Variants in SAMD12 observed in about 807,000 individuals in gnomAD.
SAMD12 encodes the protein sterile alpha motif domain containing 12.
SAMD12 carries 9 observed loss-of-function variants against 15.0 expected under a neutral mutation model. The ratio of observed to expected loss-of-function variants is 0.60; its 90% CI spans 0.36 to 1.05. The LOEUF is 1.05. Ranked by LOEUF, SAMD12 falls within the 50% of genes least tolerant of loss-of-function variation. The probability of loss-of-function intolerance (pLI) is 0.01; values close to 1 mark genes in which losing one functional copy is unlikely to be tolerated. For synonymous variants in SAMD12, 86 were observed against 90.1 expected (o/e 0.96, Z 0.25); for missense variants, 230 against 234.2 (o/e 0.98, Z 0.12).
chr8:118,477,017 G>A (rs56944321), intron 2 of SAMD12, among the ~76,000 whole-genome samples: 4,609 of 151,596 alleles, frequency 0.03, 197 homozygotes, highest in African/African-American at 0.091. Context: ...TATTCACCGG[G>A]GTGAATTACA....
chr8:118,158,821 C>T, the SAMD12 span, among the ~76,000 whole-genome samples: 1 of 152,106 alleles, frequency 6.6e-6, no homozygotes, highest in African/African-American at 2.4e-5. Context: ...AGAGGAGCTA[C>T]CCAGTGTGGG....
chr8:118,467,427 T>A (rs972018868), intron 2 of SAMD12, among the ~76,000 whole-genome samples: 4 of 152,146 alleles, frequency 2.6e-5, no homozygotes, highest in Non-Finnish European at 4.4e-5. Flanking sequence ...TGAATGTTTA[T>A]TTTTATTATT....
chr8:118,541,841 T>A (rs571019267), intron 2 of SAMD12, among the ~76,000 whole-genome samples: 3 of 152,334 alleles, frequency 2.0e-5, no homozygotes, highest in African/African-American at 7.2e-5. Flanking sequence ...TGACTTTGAG[T>A]ATTTTCATTC....
chr8:118,132,993 T>C, the SAMD12 span, among the ~76,000 whole-genome samples: 2 of 82,164 alleles, frequency 2.4e-5, no homozygotes, highest in African/African-American at 8.9e-5. Context: ...TATATATATA[T>C]ATATATATAT....
chr8:118,415,891 A>C (rs1481247523), intron 3 of SAMD12, among the ~76,000 whole-genome samples: 1 of 152,218 alleles, frequency 6.6e-6, no homozygotes, highest in East Asian at 1.9e-4. Context: ...TCAACAGACT[A>C]ATAGAGCCTG....
intron 4 of SAMD12, among the ~76,000 whole-genome samples, chr8:118,338,013 T>A (rs1452570873): frequency 3.9e-5 from 6 of 152,202 alleles, no homozygotes; most frequent in Non-Finnish European, 8.8e-5. Context: ...TTGGAAGGTA[T>A]CCCCTACAGA....
chr8:118,482,189 A>AAATTT (rs1824145164), intron 2 of SAMD12, among the ~76,000 whole-genome samples: 3 of 152,222 alleles, frequency 2.0e-5, no homozygotes, highest in Admixed American at 2.0e-4. Context: ...TAAATACATG[A>AAATTT]AATGAGCACT....
chr8:118,159,888 T>A, the SAMD12 span, among the ~76,000 whole-genome samples: 6 of 152,072 alleles, frequency 3.9e-5, no homozygotes, highest in South Asian at 6.2e-4. Flanking sequence ...ACCAGCTAAT[T>A]TTTGTATTTT....
At chr8:118,436,993 C>T (rs1158631824) in intron 3 of SAMD12, among the ~76,000 whole-genome samples, 1 of 152,192 alleles carries the variant, frequency 6.6e-6, no homozygotes, top group East Asian at 1.9e-4. Context: ...GGGCTGTGAC[C>T]TGGTACTTGT....
chr8:118,328,117 AAT>A (rs1378264627), intron 4 of SAMD12, among the ~76,000 whole-genome samples: 6 of 152,244 alleles, frequency 3.9e-5, no homozygotes. Flanking sequence ...GTAGACAACC[AAT>A]AGACATGACC....
At chr8:118,469,944 A>T (rs752255906) in intron 2 of SAMD12, among the ~76,000 whole-genome samples, 20 of 152,320 alleles carry the variant, frequency 1.3e-4, no homozygotes, top group Non-Finnish European at 2.8e-4. Context: ...CCAGTGACAG[A>T]GAAGTGTCTT....
chr8:118,489,420 T>C (rs1193777440), intron 2 of SAMD12, among the ~76,000 whole-genome samples: 1 of 152,192 alleles, frequency 6.6e-6, no homozygotes, highest in African/African-American at 2.4e-5. Context: ...TCTGAGGTCA[T>C]GAAGTTATTC....
At chr8:118,278,910 G>T (rs1813537261) in intron 4 of SAMD12, among the ~76,000 whole-genome samples, 1 of 152,166 alleles carries the variant, frequency 6.6e-6, no homozygotes. Flanking sequence ...CATACTCGAG[G>T]TGATAAAAGG....
intron 2 of SAMD12, among the ~76,000 whole-genome samples, chr8:118,467,179 C>T (rs775359582): frequency 1.3e-5 from 2 of 152,166 alleles, no homozygotes; most frequent in Middle Eastern, 3.2e-3. Context: ...TATACAACTA[C>T]TTCTGGACCC....
chr8:118,237,344 C>T (rs1469136720), intron 4 of SAMD12, among the ~76,000 whole-genome samples: 1 of 152,098 alleles, frequency 6.6e-6, no homozygotes, highest in Non-Finnish European at 1.5e-5. Flanking sequence ...ATTTATCAGC[C>T]CTCTATGTAT....
Position 118,299,879 on chromosome 8 carries a change from C to T in SAMD12, c.433+79681G>A, listed in dbSNP as rs544659213. On this transcript the variant is annotated intron_variant, in intron 4 of 4. Coordinates refer to the SAMD12 transcript ENST00000409003. ...AGTGAATGGTAGATTGATTCATTCT[C>T]GTCTCAAATTTACATCATAAAAGTT... Among the ~76,000 whole-genome samples the T allele has an allele frequency of 1.9e-3, 294 of 152,032 alleles. 2 individuals are homozygous for T. Among genetic ancestry groups the T allele is most frequent in the Non-Finnish European group, 3.5e-3 (239 of 67,986 alleles).
At chr8:118,167,988 T>C in the SAMD12 span, among the ~76,000 whole-genome samples, 2 of 152,182 alleles carry the variant, frequency 1.3e-5, no homozygotes, top group African/African-American at 2.4e-5. Flanking sequence ...CCACATGTTT[T>C]GGGAAGTACC....
chr8:118,459,216 C>T (rs1364716939), intron 2 of SAMD12, among the ~76,000 whole-genome samples: 1 of 152,026 alleles, frequency 6.6e-6, no homozygotes, highest in Non-Finnish European at 1.5e-5. Context: ...CAGGTGCCTG[C>T]TACCACACTT....
At chr8:118,432,494 G>T (rs1239129223) in intron 3 of SAMD12, among the ~76,000 whole-genome samples, 2 of 152,166 alleles carry the variant, frequency 1.3e-5, no homozygotes, top group Non-Finnish European at 2.9e-5. Flanking sequence ...TTTGGCAAGA[G>T]TTTCTAACCT....
Sources: gnomAD v4.1 joint callset for allele counts (sites outside exome capture counted in the v4.1 genomes callset) on GRCh38, gnomAD v4.1.1 for gene constraint, MANE v1.5 for transcripts, NCBI Gene and HGNC (gene_info 2026-07-23, HGNC 2026-07-21) for gene names.